The following RPS6KA2 variants were observed in gnomAD, a reference collection of about 807,000 sequenced individuals.
RPS6KA2 encodes the protein ribosomal protein S6 kinase alpha-2.
Under a neutral mutation model 91.8 loss-of-function variants are expected in RPS6KA2, and 42 were observed. That is an observed-to-expected ratio of 0.46 (90% confidence interval 0.36 to 0.59). The LOEUF is 0.59. Among genes scored for constraint, RPS6KA2 ranks in the 20% least tolerant of loss-of-function variants. The pLI, the probability that RPS6KA2 is intolerant of heterozygous loss-of-function variation, is 0.00. For synonymous variants in RPS6KA2, 414 were observed against 393.6 expected, an observed-to-expected ratio of 1.05 and a Z score of -0.61; for missense variants, 798 against 978.5, an observed-to-expected ratio of 0.82 and a Z score of 2.46.
At chr6:166,782,803 G>A (rs1440075720) in intron 2 of RPS6KA2, among the ~76,000 whole-genome samples, 1 of 152,120 alleles carries the variant, frequency 6.6e-6, no homozygotes, top group Non-Finnish European at 1.5e-5. Flanking sequence ...CCAAGGTGCA[G>A]GCAAGCAGGG....
Position 166,448,977 on chromosome 6 carries a change from G to A in RPS6KA2, c.1207-128C>T. On this transcript the variant is annotated intron_variant, in intron 13 of 20. Transcript: ENST00000265678. This position sits in a 1 kb window ranked among gnomAD's most constrained non-coding sequence, Gnocchi z 4.7. The stretch of plus-strand genomic sequence containing the variant: ...GAACTGAGTGTGTGGAGGCCTGGGA[G>A]CTCATGGGTCCCCCTGCCCAAGGCT... The A allele has an allele frequency of 2.7e-6, 3 of 1,117,754 alleles. No individual in the cohort carries two copies. Among genetic ancestry groups the A allele is most frequent in the Non-Finnish European group, 3.9e-6 (3 of 776,266 alleles). 69.2% of individuals were successfully genotyped at this position (1,117,754 alleles called of 1,614,324 possible). A position where few individuals can be genotyped will look rare whatever the true frequency, so the allele number is the denominator to read the frequency against.
intron 1 of RPS6KA2, among the ~76,000 whole-genome samples, chr6:166,550,070 C>T (rs1783948246): frequency 6.6e-6 from 1 of 152,056 alleles, no homozygotes; most frequent in Admixed American, 6.5e-5. Flanking sequence ...ATGATGATTA[C>T]CGTGACATTT....
rs1788312212 is a variant in RPS6KA2, at chr6:166,666,258, C to T, written c.124-127474G>A. On this transcript the variant is annotated intron_variant, in intron 2 of 21. Coordinates refer to the RPS6KA2 transcript ENST00000503859. The surrounding 1 kb of genome is among the most constrained non-coding windows in gnomAD (Gnocchi z 4.0). ...GGGGGCGGGACTGGCATCTTCCCAG[C>T]AAAGTAGGGGGCAAGGGAGCACTCT... is the stretch of plus-strand genomic sequence containing the variant. 6.6e-6 allele frequency among the ~76,000 whole-genome samples: 1 copy of T among 152,072 alleles called. No individual in the cohort carries two copies. The highest frequency in any genetic ancestry group is 2.4e-5 in the African/African-American group (1 of 41,394).
intron 2 of RPS6KA2, among the ~76,000 whole-genome samples, chr6:166,646,114 C>G (rs1195921948): frequency 6.6e-6 from 1 of 152,198 alleles, no homozygotes; most frequent in African/African-American, 2.4e-5. Flanking sequence ...TTGCCATGGT[C>G]CCTGAGCACT....
chr6:166,706,157 C>A (rs1315523566), intron 2 of RPS6KA2, among the ~76,000 whole-genome samples: 1 of 152,178 alleles, frequency 6.6e-6, no homozygotes, highest in African/African-American at 2.4e-5. Flanking sequence ...ATTACAGCAT[C>A]CCAAATGGAC....
intron 1 of RPS6KA2, among the ~76,000 whole-genome samples, chr6:166,610,262 G>C (rs1031167418): frequency 1.8e-4 from 28 of 152,230 alleles, no homozygotes; most frequent in African/African-American, 6.5e-4. Flanking sequence ...CAGCCTGGCA[G>C]TAGCACAGAA....
At chr6:166,814,789 T>C (rs1583147480) in intron 2 of RPS6KA2, among the ~76,000 whole-genome samples, 1 of 152,366 alleles carries the variant, frequency 6.6e-6, no homozygotes, top group East Asian at 1.9e-4. Context: ...TGTCACTGTC[T>C]CCCATCACCC....
chr6:166,462,402 G>A (rs1780350545), intron 11 of RPS6KA2, among the ~76,000 whole-genome samples: 1 of 152,178 alleles, frequency 6.6e-6, no homozygotes, highest in Non-Finnish European at 1.5e-5. Flanking sequence ...TGACCACCCT[G>A]CCTCTGGAGG....
chr6:166,755,477 T>TTTA (rs1777984597), intron 2 of RPS6KA2, among the ~76,000 whole-genome samples: 2 of 152,068 alleles, frequency 1.3e-5, no homozygotes, highest in African/African-American at 4.8e-5. Context: ...GGTTTATTTA[T>TTTA]TTATTTATTT....
At chr6:166,506,131 G>A (rs557115056) in intron 5 of RPS6KA2, among the ~76,000 whole-genome samples, 9 of 151,848 alleles carry the variant, frequency 5.9e-5, no homozygotes, top group African/African-American at 1.7e-4. Context: ...CTGCAGGTTC[G>A]CCGGCACAGC....
At chr6:166,426,138 A>G (rs1436528936) in intron 16 of RPS6KA2, among the ~76,000 whole-genome samples, 9 of 152,224 alleles carry the variant, frequency 5.9e-5, no homozygotes, top group Non-Finnish European at 1.2e-4. Context: ...AGAACTCAGG[A>G]TTAAGAAACT....
At chr6:166,540,870 A>T (rs554692570) in intron 1 of RPS6KA2, among the ~76,000 whole-genome samples, 19 of 152,352 alleles carry the variant, frequency 1.2e-4, no homozygotes, top group African/African-American at 4.3e-4. Context: ...TGCACAAAAA[A>T]CAAAGGCAGG....
At chr6:166,702,602 T>C in intron 2 of RPS6KA2, 1 of 1,560,392 alleles carries the variant, frequency 6.4e-7, no homozygotes, top group African/African-American at 1.4e-5. Context: ...AGTTTCCGAA[T>C]CCTTTGCCTT....
chr6:166,858,131 C>T, intron 2 of RPS6KA2: 1 of 906,956 alleles, frequency 1.1e-6, no homozygotes, highest in Non-Finnish European at 1.9e-6. Context: ...ACTTCCATTT[C>T]CCCCTTCACC....
At chr6:166,748,652 C>T (rs181648586) in intron 2 of RPS6KA2, among the ~76,000 whole-genome samples, 1 of 78,218 alleles carries the variant, frequency 1.3e-5, no homozygotes, top group East Asian at 5.2e-4. Context: ...CCTTGGGCCC[C>T]CACCTCCTCA....
intron 16 of RPS6KA2, among the ~76,000 whole-genome samples, chr6:166,428,225 T>C (rs1193579602): frequency 6.6e-6 from 1 of 151,412 alleles, no homozygotes; most frequent in Non-Finnish European, 1.5e-5. Flanking sequence ...ATTTAATAAA[T>C]GGTGCTGGGA....
intron 1 of RPS6KA2, among the ~76,000 whole-genome samples, chr6:166,585,603 C>T: frequency 1.6e-5 from 1 of 61,172 alleles, no homozygotes; most frequent in East Asian, 4.2e-4. Context: ...TAAGGAATCA[C>T]AAAGTACCAT....
chr6:166,588,794 G>A (rs371983775), intron 1 of RPS6KA2, among the ~76,000 whole-genome samples: 150 of 152,304 alleles, frequency 9.8e-4, no homozygotes, highest in African/African-American at 3.4e-3. Context: ...CTGGGCAGTC[G>A]CACATGACAG....
chr6:166,704,598 C>T (rs927419695), intron 2 of RPS6KA2, among the ~76,000 whole-genome samples: 1 of 152,232 alleles, frequency 6.6e-6, no homozygotes, highest in Non-Finnish European at 1.5e-5. Flanking sequence ...GGATGCCCAT[C>T]GGCCCCAGGT....
Sources: allele counts gnomAD v4.1 joint callset (sites outside exome capture counted in the v4.1 genomes callset), GRCh38; gene constraint gnomAD v4.1.1; non-coding constraint Gnocchi (gnomAD v3.1); transcripts MANE v1.5; gene names NCBI Gene and HGNC (gene_info 2026-07-23, HGNC 2026-07-21).